The following KBTBD12 variants were observed in gnomAD, a reference collection of about 807,000 sequenced individuals.
KBTBD12 encodes kelch repeat and BTB domain-containing protein 12.
KBTBD12 carries 53 observed loss-of-function variants against 58.7 expected under a neutral mutation model. That is an observed-to-expected ratio of 0.90 (90% CI 0.72 to 1.14). The LOEUF (loss-of-function observed/expected upper bound fraction) is 1.14, where lower values mean the gene tolerates loss of function less well. Ranked by LOEUF, KBTBD12 falls within the 50% of genes most tolerant of loss-of-function variation. The probability of loss-of-function intolerance (pLI) is 0.00; values close to 1 mark genes in which losing one functional copy is unlikely to be tolerated. For missense variants in KBTBD12, 704 were observed against 751.3 expected (o/e 0.94, Z 0.74); for synonymous variants, 236 against 259.8 (o/e 0.91, Z 0.88).
chr3:127,931,026 C>CA (rs1452859872), intron 4 of KBTBD12, among the ~76,000 whole-genome samples: 2 of 152,086 alleles, frequency 1.3e-5, no homozygotes, highest in Non-Finnish European at 2.9e-5. Context: ...AACAATGAGG[C>CA]AGGGAGGTTG....
chr3:127,953,125 A>G (rs1380519399), intron 4 of KBTBD12, among the ~76,000 whole-genome samples: 1 of 152,250 alleles, frequency 6.6e-6, no homozygotes, highest in Non-Finnish European at 1.5e-5. Context: ...AATGCTGAAC[A>G]CTGTGCTTGG....
intron 5 of KBTBD12, among the ~76,000 whole-genome samples, chr3:127,973,929 C>T (rs1940730088): frequency 6.6e-6 from 1 of 152,082 alleles, no homozygotes; most frequent in African/African-American, 2.4e-5. Context: ...CATCCCCGTG[C>T]CCCCCAGCCA....
intron 1 of KBTBD12, 51 bp from the exon 2 acceptor site, chr3:127,922,899 A>G: frequency 3.6e-6 from 2 of 557,866 alleles, no homozygotes; most frequent in Non-Finnish European, 6.4e-6. Flanking sequence ...GCATATCTAA[A>G]TTATAGAGAA....
intron 5 of KBTBD12, among the ~76,000 whole-genome samples, chr3:127,978,599 G>A (rs1940823157): frequency 6.6e-6 from 1 of 152,088 alleles, no homozygotes; most frequent in Non-Finnish European, 1.5e-5. Context: ...GGGTCAGACA[G>A]GGGGAATTTT....
intron 1 of KBTBD12, among the ~76,000 whole-genome samples, chr3:127,922,496 G>A (rs78747163): frequency 0.015 from 2,219 of 152,222 alleles, 27 homozygotes; most frequent in Middle Eastern, 0.048. Flanking sequence ...CAAGGCCCCA[G>A]TCATGAATTT....
At chr3:127,919,691 A>T (rs1939350441) in intron 1 of KBTBD12, among the ~76,000 whole-genome samples, 2 of 152,096 alleles carry the variant, frequency 1.3e-5, no homozygotes, top group Non-Finnish European at 2.9e-5. Flanking sequence ...GGAGGTCATA[A>T]TTTTTTGTTT....
At chr3:127,939,014 T>C (rs1440479160) in intron 4 of KBTBD12, among the ~76,000 whole-genome samples, 3 of 152,188 alleles carry the variant, frequency 2.0e-5, no homozygotes, top group Admixed American at 6.5e-5. Flanking sequence ...GAAGTGGCCA[T>C]TGTGCACAGA....
At chr3:127,950,541 T>C (rs563814184) in intron 4 of KBTBD12, among the ~76,000 whole-genome samples, 25 of 152,320 alleles carry the variant, frequency 1.6e-4, no homozygotes, top group South Asian at 4.1e-4. Context: ...ATACTGTGAT[T>C]TGACTCAACT....
At chr3:127,945,989 A>G (rs1311649063) in intron 4 of KBTBD12, among the ~76,000 whole-genome samples, 2 of 152,044 alleles carry the variant, frequency 1.3e-5, no homozygotes, top group Admixed American at 1.3e-4. Context: ...CGTTTATATT[A>G]TTTTGTATTA....
At chr3:127,964,803 A>C (rs547973938) in intron 5 of KBTBD12, among the ~76,000 whole-genome samples, 37 of 152,306 alleles carry the variant, frequency 2.4e-4, no homozygotes, top group African/African-American at 8.7e-4. Context: ...TTCTTTCTCT[A>C]TTTGCTCTTC....
chr3:127,919,825 C>G (rs2107585882), intron 1 of KBTBD12, among the ~76,000 whole-genome samples: 1 of 152,258 alleles, frequency 6.6e-6, no homozygotes. Context: ...ATAATTCACA[C>G]ATGGTTTACA....
chr3:127,920,195 C>T (rs1939363950), intron 1 of KBTBD12, among the ~76,000 whole-genome samples: 1 of 152,152 alleles, frequency 6.6e-6, no homozygotes, highest in Non-Finnish European at 1.5e-5. Flanking sequence ...CCTATATGCC[C>T]TATGCCAGAT....
At chr3:127,917,157 C>A (rs1290143734) in intron 1 of KBTBD12, among the ~76,000 whole-genome samples, 1 of 152,156 alleles carries the variant, frequency 6.6e-6, no homozygotes, top group Non-Finnish European at 1.5e-5. Flanking sequence ...GCGTCAGATC[C>A]CACAGGCTGA....
intron 4 of KBTBD12, among the ~76,000 whole-genome samples, chr3:127,939,022 A>G (rs1330756053): frequency 6.6e-6 from 1 of 152,224 alleles, no homozygotes; most frequent in African/African-American, 2.4e-5. Context: ...CATTGTGCAC[A>G]GAGAGAGCTC....
At chr3:127,966,534 A>G (rs1392265115) in intron 5 of KBTBD12, among the ~76,000 whole-genome samples, 1 of 152,224 alleles carries the variant, frequency 6.6e-6, no homozygotes, top group Admixed American at 6.5e-5. Flanking sequence ...TTAAATCTAC[A>G]ATGGAAAATT....
chr3:127,961,831 A>C (rs1165841676), intron 4 of KBTBD12, among the ~76,000 whole-genome samples: 1 of 152,222 alleles, frequency 6.6e-6, no homozygotes, highest in African/African-American at 2.4e-5. Context: ...TGGTGAAAAT[A>C]CCACCTGACT....
intron 5 of KBTBD12, among the ~76,000 whole-genome samples, chr3:127,979,281 G>C (rs750775545): frequency 6.6e-6 from 1 of 152,178 alleles, no homozygotes; most frequent in African/African-American, 2.4e-5. Flanking sequence ...CTAACCCCAA[G>C]ATGGCACAGA....
At chr3:127,917,109 T>C (rs1939266486) in intron 1 of KBTBD12, among the ~76,000 whole-genome samples, 1 of 152,190 alleles carries the variant, frequency 6.6e-6, no homozygotes, top group Non-Finnish European at 1.5e-5. Context: ...GGGTGTCCTC[T>C]AACTCAGTGC....
At chr3:127,942,929 A>C (rs1167405913) in intron 4 of KBTBD12, among the ~76,000 whole-genome samples, 3 of 152,130 alleles carry the variant, frequency 2.0e-5, no homozygotes, top group Non-Finnish European at 4.4e-5. Context: ...TCCCAGGGGC[A>C]TGCTGGCTTT....
Sources: allele counts gnomAD v4.1 joint callset (sites outside exome capture counted in the v4.1 genomes callset), GRCh38; gene constraint gnomAD v4.1.1; transcripts MANE v1.5; gene names NCBI Gene and HGNC (gene_info 2026-07-23, HGNC 2026-07-21).